The following HTR4 variants were observed in gnomAD, a reference collection of about 807,000 sequenced individuals.
The protein encoded by HTR4 is 5-hydroxytryptamine receptor 4.
Under a neutral mutation model 36.8 loss-of-function variants are expected in HTR4, and 16 were observed. The ratio of observed to expected loss-of-function variants is 0.43; its 90% CI spans 0.29 to 0.66. The LOEUF is 0.66. Ranked by LOEUF, HTR4 falls within the 30% of genes least tolerant of loss-of-function variation. The pLI is 0.13. For missense variants in HTR4, 438 were observed against 490.9 expected (o/e 0.89, Z 1.02); for synonymous variants, 189 against 185.1 (o/e 1.02, Z -0.17).
chr5:148,567,907 T>C (rs1194626456), intron 2 of HTR4, among the ~76,000 whole-genome samples: 2 of 152,116 alleles, frequency 1.3e-5, no homozygotes, highest in Non-Finnish European at 2.9e-5. Context: ...CTCCCACCAA[T>C]AGATAAGTGC....
chr5:148,599,429 C>T (rs1385408927), intron 2 of HTR4, among the ~76,000 whole-genome samples: 3 of 152,028 alleles, frequency 2.0e-5, no homozygotes, highest in South Asian at 2.1e-4. Flanking sequence ...AAAGAAAAGA[C>T]ATCTGACTTT....
intron 4 of HTR4, among the ~76,000 whole-genome samples, chr5:148,528,389 G>A (rs935874787): frequency 1.3e-5 from 2 of 152,106 alleles, no homozygotes; most frequent in African/African-American, 4.8e-5. Context: ...ATGTGCTGAA[G>A]ATTCACACCA....
At chr5:148,474,132 T>A (rs932710949), downstream of HTR4, among the ~76,000 whole-genome samples, 3 of 152,200 alleles carry the variant, frequency 2.0e-5, no homozygotes, top group African/African-American at 7.2e-5. Context: ...ACTCTCTAGC[T>A]GGCTGGGACA....
intron 2 of HTR4, among the ~76,000 whole-genome samples, chr5:148,619,206 C>T (rs1189037919): frequency 6.6e-6 from 1 of 152,096 alleles, no homozygotes; most frequent in Non-Finnish European, 1.5e-5. Context: ...GGACATCTTT[C>T]CTTTTCACCG....
At chr5:148,587,929 C>G (rs1329630171) in intron 2 of HTR4, among the ~76,000 whole-genome samples, 1 of 152,144 alleles carries the variant, frequency 6.6e-6, no homozygotes, top group Non-Finnish European at 1.5e-5. Flanking sequence ...GCCTCTTGCA[C>G]CCTCGTACTT....
chr5:148,544,349 A>C lies in HTR4; in HGVS notation c.353+4319T>G, dbSNP rs17720595. Among the ~76,000 whole-genome samples the C allele has an allele frequency of 1.6e-3, 137 of 84,388 alleles. 1 individual carries two copies. Among genetic ancestry groups the C allele is most frequent in the Non-Finnish European group, 2.6e-3 (77 of 29,796 alleles). 55.4% of individuals were successfully genotyped at this position (84,388 alleles called of 152,430 possible). A position where few individuals can be genotyped will look rare whatever the true frequency, so the allele number is the denominator to read the frequency against. On this transcript the variant is annotated intron_variant, in intron 4 of 6. Transcript: ENST00000377888. ...TCTCTTTCTCTCTCTCTCCACACAC[A>C]CTCATGTAAACCCAGATACATGCAT...
downstream of HTR4, chr5:148,476,632 C>T: frequency 4.4e-6 from 7 of 1,575,160 alleles, no homozygotes; most frequent in Non-Finnish European, 6.0e-6. Flanking sequence ...TTCTTCCAAA[C>T]AAATACATCC....
downstream of HTR4, among the ~76,000 whole-genome samples, chr5:148,478,138 T>C (rs1431375334): frequency 6.6e-6 from 1 of 152,218 alleles, no homozygotes; most frequent in African/African-American, 2.4e-5. Flanking sequence ...TCATAGTCGG[T>C]GTTCAGAAAA....
At position 148,523,318 on chromosome 5, in the gene HTR4, C is replaced by T. The variant is rs1758112894; in HGVS notation, c.382G>A (p.Val128Ile). ...AGAGGGGTCATCTTGTTCCTATAGACCAAAGGCTGGCAGCAGATGGCGTAA... is the reference window on the plus strand; with the variant it reads ...AGAGGGGTCATCTTGTTCCTATAGATCAAAGGCTGGCAGCAGATGGCGTAA... ...RYYAICCQPL[V>I]YRNKMTPLRI... The change falls in exon 5 of 7, where the codon GTC becomes ATC. Residue 128 changes from valine (V) to isoleucine (I), a missense_variant. Physicochemically the swap from Val to Ile is conservative, Grantham distance 29 (BLOSUM62 3). Coordinates refer to ENST00000377888, the MANE Select transcript of HTR4 (RefSeq NM_000870.7). 3 of 1,611,228 alleles carry T rather than the reference C, an allele frequency of 1.9e-6. No individual in the cohort carries two copies. The South Asian group carries it at 3.3e-5, about 18-fold the overall frequency.
intron 2 of HTR4, among the ~76,000 whole-genome samples, chr5:148,565,108 TAAAAA>T: frequency 8.0e-6 from 1 of 124,872 alleles, no homozygotes. Flanking sequence ...AGACTCCATC[TAAAAA>T]AAAAAAAAAA....
At position 148,483,222 on chromosome 5, in the gene HTR4, G is replaced by A; in HGVS notation, c.1148C>T (p.Ala383Val). Reference protein sequence around the residue: ...HPPATSPLVAAQPSDT With the variant: ...HPPATSPLVAVQPSDT ...AGGGGCCTAAGTGTCACTGGGCTGA[G>A]CAGCCACCAAAGGAGAAGTTGCTGG... is the stretch of plus-strand genomic sequence containing the variant. The change falls in exon 7 of 7, where the codon GCT becomes GTT. Residue 383 changes from alanine to valine, a missense_variant. Physicochemically the swap from Ala to Val is moderately conservative, Grantham distance 64 (BLOSUM62 0). Transcript: ENST00000377888. 1.9e-6 allele frequency: 3 copies of A among 1,614,010 alleles called. No individual in the cohort carries two copies. In the South Asian group the frequency reaches 3.3e-5, roughly 18 times the overall value.
At chr5:148,600,656 T>G (rs1321419565) in intron 2 of HTR4, among the ~76,000 whole-genome samples, 1 of 151,654 alleles carries the variant, frequency 6.6e-6, no homozygotes, top group Non-Finnish European at 1.5e-5. Context: ...TATTTAGAAA[T>G]AAATTTAACC....
At chr5:148,615,592 A>G (rs1421924505) in intron 2 of HTR4, among the ~76,000 whole-genome samples, 1 of 150,946 alleles carries the variant, frequency 6.6e-6, no homozygotes, top group Non-Finnish European at 1.5e-5. Flanking sequence ...ATGACGAGTT[A>G]GTGGGTGTAG....
chr5:148,615,658 T>C (rs926268098), intron 2 of HTR4, among the ~76,000 whole-genome samples: 1 of 150,854 alleles, frequency 6.6e-6, no homozygotes, highest in Non-Finnish European at 1.5e-5. Context: ...TGTGCACATG[T>C]ACCCTAAAAC....
At chr5:148,468,545 G>T (rs1755489328) in intron 5 of HTR4, among the ~76,000 whole-genome samples, 1 of 152,186 alleles carries the variant, frequency 6.6e-6, no homozygotes, top group African/African-American at 2.4e-5. Flanking sequence ...CCCTTCCTCA[G>T]ACTGAGAGCT....
intron 2 of HTR4, among the ~76,000 whole-genome samples, chr5:148,553,312 G>A (rs1488354017): frequency 1.3e-5 from 2 of 152,162 alleles, no homozygotes; most frequent in African/African-American, 2.4e-5. Flanking sequence ...TCAATGATAA[G>A]GTTATCACAG....
At chr5:148,561,465 G>A (rs1322686590) in intron 2 of HTR4, among the ~76,000 whole-genome samples, 2 of 152,124 alleles carry the variant, frequency 1.3e-5, no homozygotes, top group Admixed American at 1.3e-4. Flanking sequence ...CCAAATAATA[G>A]TGCTAGTCAA....
chr5:148,477,577 C>G (rs1380211086), downstream of HTR4, among the ~76,000 whole-genome samples: 1 of 152,174 alleles, frequency 6.6e-6, no homozygotes, highest in Non-Finnish European at 1.5e-5. Flanking sequence ...ACATTAACTT[C>G]TCTGACGTAC....
chr5:148,453,854 G>A (rs1332006923), intron 5 of HTR4, among the ~76,000 whole-genome samples: 1 of 152,178 alleles, frequency 6.6e-6, no homozygotes, highest in African/African-American at 2.4e-5. Context: ...GACCAATTAG[G>A]AGTTTACAGC....
Sources: gnomAD v4.1 joint callset for allele counts (sites outside exome capture counted in the v4.1 genomes callset) on GRCh38, gnomAD v4.1.1 for gene constraint, MANE v1.5 for transcripts, NCBI Gene and HGNC (gene_info 2026-07-23, HGNC 2026-07-21) for gene names.